The following SYN2 variants were observed in gnomAD, a reference collection of about 807,000 sequenced individuals.
SYN2 encodes the protein synapsin II, also known as synapsin-2.
In SYN2, 19 loss-of-function variants were observed where a neutral mutation model predicts 50.9. The ratio of observed to expected loss-of-function variants is 0.37; its 90% confidence interval spans 0.26 to 0.55. The LOEUF (loss-of-function observed/expected upper bound fraction) is 0.55, where lower values mean the gene tolerates loss of function less well. Among genes scored for constraint, SYN2 ranks in the 20% least tolerant of loss-of-function variants. The probability of loss-of-function intolerance (pLI) is 0.81; values close to 1 mark genes in which losing one functional copy is unlikely to be tolerated. For synonymous variants in SYN2, 255 were observed against 224.9 expected, an observed-to-expected ratio of 1.13 and a Z score of -1.20; for missense variants, 587 against 576.4, an observed-to-expected ratio of 1.02 and a Z score of -0.19.
chr3:12,126,838 G>C (rs1009890571), intron 1 of SYN2, among the ~76,000 whole-genome samples: 1 of 152,180 alleles, frequency 6.6e-6, no homozygotes, highest in Non-Finnish European at 1.5e-5. Flanking sequence ...TAATTTCATT[G>C]CAGTTATAAT....
chr3:12,043,692 A>G (rs1694669159), intron 1 of SYN2, among the ~76,000 whole-genome samples: 1 of 152,126 alleles, frequency 6.6e-6, no homozygotes, highest in Non-Finnish European at 1.5e-5. Flanking sequence ...TGTCCATTCT[A>G]CTGGGTTGGT....
intron 1 of SYN2, among the ~76,000 whole-genome samples, chr3:12,073,700 TTTATG>T: frequency 6.6e-6 from 1 of 152,376 alleles, no homozygotes; most frequent in East Asian, 1.9e-4. Context: ...TGGTTTGTAA[TTTATG>T]TTATAAGTGC....
At chr3:12,047,753 G>A (rs1694770513) in intron 1 of SYN2, among the ~76,000 whole-genome samples, 1 of 152,148 alleles carries the variant, frequency 6.6e-6, no homozygotes. Flanking sequence ...TGAAGGGTTT[G>A]TTAAAACAGA....
chr3:12,189,308 G>C (rs1195483970), intron 12 of SYN2, among the ~76,000 whole-genome samples: 1 of 152,214 alleles, frequency 6.6e-6, no homozygotes, highest in Non-Finnish European at 1.5e-5. Flanking sequence ...GTGCTTCATG[G>C]TTTTTCTCTG....
intron 11 of SYN2, 127 bp from the exon 12 acceptor site, chr3:12,187,238 GAGAC>G (rs1698359717): frequency 7.6e-7 from 1 of 1,318,592 alleles, no homozygotes; most frequent in African/African-American, 1.5e-5. Flanking sequence ...GGGCCCTTCA[GAGAC>G]TCCAGCTTCT....
rs1574901138 is a variant in SYN2 at position 12,191,684 on chromosome 3, C to T, written c.*1059C>T. 6.6e-6 allele frequency among the ~76,000 whole-genome samples: 1 copy of T among 152,184 alleles called. No homozygotes were observed. The highest frequency in any genetic ancestry group is 6.5e-5 in the Admixed American group (1 of 15,286). The stretch of plus-strand genomic sequence containing the variant: ...ACCTAGCCTTCCTTCAGCAACTCAG[C>T]GTTTCTACCTATATTACGGACTTTG... On this transcript the variant is annotated 3_prime_UTR_variant, in exon 13 of 13. Coordinates refer to ENST00000621198, the MANE Select transcript of SYN2 (RefSeq NM_133625.6).
At chr3:12,057,066 C>G (rs1470832310) in intron 1 of SYN2, among the ~76,000 whole-genome samples, 1 of 151,812 alleles carries the variant, frequency 6.6e-6, no homozygotes, top group Non-Finnish European at 1.5e-5. Context: ...CTGAGGCAAG[C>G]GGATCACTTG....
chr3:12,103,605 T>C (rs1696120615), intron 1 of SYN2, among the ~76,000 whole-genome samples: 1 of 152,170 alleles, frequency 6.6e-6, no homozygotes, highest in Non-Finnish European at 1.5e-5. Context: ...GTGATTCATA[T>C]TTACATTAAA....
intron 1 of SYN2, among the ~76,000 whole-genome samples, chr3:12,077,401 G>A (rs777011177): frequency 2.6e-5 from 4 of 151,940 alleles, no homozygotes; most frequent in Admixed American, 2.0e-4. Flanking sequence ...GTAGTTTGCC[G>A]CACCTATCAA....
chr3:12,060,639 G>A (rs1052106130), intron 1 of SYN2, among the ~76,000 whole-genome samples: 2 of 152,136 alleles, frequency 1.3e-5, no homozygotes, highest in African/African-American at 4.8e-5. Flanking sequence ...CTATCTGAGG[G>A]GGAGTTCTCA....
At chr3:12,023,695 C>T (rs978396322) in intron 1 of SYN2, among the ~76,000 whole-genome samples, 2 of 152,108 alleles carry the variant, frequency 1.3e-5, no homozygotes, top group Non-Finnish European at 2.9e-5. Flanking sequence ...AGGTTTTGAT[C>T]AGGGGAGTGA....
chr3:12,090,782 C>T (rs1350070198), intron 1 of SYN2, among the ~76,000 whole-genome samples: 1 of 152,028 alleles, frequency 6.6e-6, no homozygotes, highest in Non-Finnish European at 1.5e-5. Flanking sequence ...GACAGACTGG[C>T]TAGGGAGTGA....
chr3:12,042,376 T>A (rs1694638687), intron 1 of SYN2, among the ~76,000 whole-genome samples: 1 of 152,228 alleles, frequency 6.6e-6, no homozygotes, highest in Admixed American at 6.5e-5. Context: ...CTGCTCTAGA[T>A]AGGACTAGAG....
chr3:12,100,818 A>T (rs1696057383), intron 1 of SYN2, among the ~76,000 whole-genome samples: 1 of 152,116 alleles, frequency 6.6e-6, no homozygotes, highest in South Asian at 2.1e-4. Flanking sequence ...TTAAATAGAC[A>T]TTTCTCTAAA....
intron 1 of SYN2, among the ~76,000 whole-genome samples, chr3:12,122,904 T>C (rs184480335): frequency 1.6e-4 from 24 of 151,620 alleles, no homozygotes; most frequent in Non-Finnish European, 2.7e-4. Flanking sequence ...AAGAACATGA[T>C]ACTATGAATA....
chr3:12,117,957 C>T (rs976731913), intron 1 of SYN2, among the ~76,000 whole-genome samples: 2 of 152,134 alleles, frequency 1.3e-5, no homozygotes, highest in Admixed American at 1.3e-4. Flanking sequence ...TACAGAGATG[C>T]ATGTGATAGG....
chr3:12,045,142 C>A (rs912899071), intron 1 of SYN2, among the ~76,000 whole-genome samples: 4 of 152,070 alleles, frequency 2.6e-5, no homozygotes, highest in African/African-American at 7.2e-5. Context: ...TTCTACTGTA[C>A]CACCACCAGA....
At chr3:12,022,206 T>C (rs1029354947) in intron 1 of SYN2, among the ~76,000 whole-genome samples, 2 of 152,148 alleles carry the variant, frequency 1.3e-5, no homozygotes, top group African/African-American at 4.8e-5. Flanking sequence ...TGCCTCAGCC[T>C]TTAGCAGCCT....
intron 10 of SYN2, among the ~76,000 whole-genome samples, chr3:12,175,898 C>G (rs1698055229): frequency 6.6e-6 from 1 of 152,208 alleles, no homozygotes; most frequent in Non-Finnish European, 1.5e-5. Context: ...AGTGGTAAAG[C>G]CTGATCTGGT....
Sources: gnomAD v4.1 joint callset for allele counts (sites outside exome capture counted in the v4.1 genomes callset) on GRCh38, gnomAD v4.1.1 for gene constraint, MANE v1.5 for transcripts, NCBI Gene and HGNC (gene_info 2026-07-23, HGNC 2026-07-21) for gene names.